ALPL: variants seen among roughly 807,000 people sequenced by gnomAD.
The protein encoded by ALPL is alkaline phosphatase, tissue-nonspecific isozyme.
Under a neutral mutation model 51.3 loss-of-function variants are expected in ALPL, and 42 were observed. The ratio of observed to expected loss-of-function variants is 0.82; its 90% CI spans 0.64 to 1.06. The LOEUF is 1.06. ALPL is among the 50% of genes least tolerant of loss of function. The pLI is 0.00. For synonymous variants in ALPL, 279 were observed against 296.4 expected (o/e 0.94, Z 0.60); for missense variants, 589 against 709.4 (o/e 0.83, Z 1.93).
chr1:21,515,843 G>T (rs12023068), intron 1 of ALPL, among the ~76,000 whole-genome samples: 6 of 130,998 alleles, frequency 4.6e-5, no homozygotes, highest in East Asian at 2.5e-4. Flanking sequence ...TTGTTTTTTT[G>T]TTTGTTTGTC....
chr1:21,510,300 A>C (rs923535122), intron 1 of ALPL, among the ~76,000 whole-genome samples: 1 of 152,186 alleles, frequency 6.6e-6, no homozygotes, highest in Non-Finnish European at 1.5e-5. Flanking sequence ...ATTGTGCCTT[A>C]TGACTCTTTT....
chr1:21,537,105 C>T (rs994880746), intron 1 of ALPL, among the ~76,000 whole-genome samples: 2 of 152,032 alleles, frequency 1.3e-5, no homozygotes, highest in Non-Finnish European at 2.9e-5. Context: ...ACTGTGTTAG[C>T]CAGGATGGTC....
At chr1:21,575,065 G>A (rs3767142) in intron 9 of ALPL, among the ~76,000 whole-genome samples, 42,960 of 152,200 alleles carry the variant, frequency 0.28, 6,305 homozygotes, top group South Asian at 0.38. Flanking sequence ...AGGCTGCGAG[G>A]GTTCAGGCTT....
intron 9 of ALPL, chr1:21,574,378 G>A (rs1359955487): frequency 5.0e-6 from 1 of 198,942 alleles, no homozygotes; most frequent in Non-Finnish European, 9.1e-6. Flanking sequence ...AGAATAAACC[G>A]TGTTTCTATT....
At chr1:21,550,923 C>T (rs972483051) in intron 1 of ALPL, among the ~76,000 whole-genome samples, 1 of 152,140 alleles carries the variant, frequency 6.6e-6, no homozygotes, top group African/African-American at 2.4e-5. Context: ...AATGTATTAT[C>T]CAGCCTGCCG....
In ALPL at chr1:21,518,638, A is replaced by C. The variant is rs543356430; in HGVS notation, c.-105+9121A>C. 5.3e-5 allele frequency among the ~76,000 whole-genome samples: 8 copies of C among 152,258 alleles called. No homozygotes were observed. In the South Asian group the frequency reaches 1.7e-3, roughly 32 times the overall value. On this transcript the variant is annotated intron_variant, in intron 1 of 11. Transcript: ENST00000374840. ...CTTTATAAACTGTTGTCAGATTACC[A>C]TTTAAACATTAATACCCAAATACAG...
At chr1:21,544,185 G>A (rs1170213939) in intron 1 of ALPL, among the ~76,000 whole-genome samples, 1 of 152,240 alleles carries the variant, frequency 6.6e-6, no homozygotes, top group African/African-American at 2.4e-5. Flanking sequence ...AGCACCTGGT[G>A]CACCGTAGTT....
chr1:21,551,762 G>A (rs1644326586), intron 1 of ALPL, among the ~76,000 whole-genome samples: 2 of 118,296 alleles, frequency 1.7e-5, no homozygotes, highest in South Asian at 3.0e-4. Flanking sequence ...GAGTCTCGCT[G>A]TCGCCCAGGC....
At chr1:21,546,820 C>A (rs1217698504) in intron 1 of ALPL, among the ~76,000 whole-genome samples, 1 of 152,250 alleles carries the variant, frequency 6.6e-6, no homozygotes, top group Non-Finnish European at 1.5e-5. Flanking sequence ...GGGCCTGGTA[C>A]ACAGTTGGTG....
intron 1 of ALPL, among the ~76,000 whole-genome samples, chr1:21,538,426 C>T (rs907414089): frequency 6.6e-6 from 1 of 152,228 alleles, no homozygotes; most frequent in African/African-American, 2.4e-5. Context: ...AGCCCAGCTG[C>T]CCTGAGCACT....
At chr1:21,561,666 C>CTTTTTTTTTTTTTTTTTTTTTTTTTT (rs11296484) in intron 4 of ALPL, among the ~76,000 whole-genome samples, 1 of 112,412 alleles carries the variant, frequency 8.9e-6, no homozygotes, top group African/African-American at 3.4e-5. Context: ...CTATATATGC[C>CTTTTTTTTTTTTTTTTTTTTTTTTTT]TTTTTTTTTT....
At chr1:21,514,816 T>A (rs1231799058) in intron 1 of ALPL, among the ~76,000 whole-genome samples, 2 of 152,156 alleles carry the variant, frequency 1.3e-5, no homozygotes, top group African/African-American at 4.8e-5. Flanking sequence ...CCAGGCACTT[T>A]CGCACATTAC....
At position 21,548,590 on chromosome 1, in the gene ALPL, C is replaced by A. The variant is rs551385664; in HGVS notation, c.-104-5388C>A. On this transcript the variant is annotated intron_variant, in intron 1 of 11. Coordinates refer to ENST00000374840, the MANE Select transcript of ALPL (RefSeq NM_000478.6). ...GAATAATCATGTGGGGCTGGATGAG[C>A]CTTTCAGTGCTCCCGGGTCACTACA... is the stretch of plus-strand genomic sequence containing the variant. Among the ~76,000 whole-genome samples, 24 of 152,302 alleles carry A rather than the reference C, an allele frequency of 1.6e-4. No homozygotes were observed. The South Asian group carries it at 2.3e-3, about 14-fold the overall frequency.
intron 10 of ALPL, 66 bp from the exon 11 acceptor site, chr1:21,576,456 T>TCTGGGGG: frequency 3.1e-6 from 5 of 1,592,308 alleles, no homozygotes; most frequent in Non-Finnish European, 4.3e-6. Context: ...AGGAGCCTAA[T>TCTGGGGG]CTGGGGGCTG....
chr1:21,510,532 G>A (rs1015028562), intron 1 of ALPL, among the ~76,000 whole-genome samples: 5 of 152,180 alleles, frequency 3.3e-5, no homozygotes, highest in African/African-American at 9.7e-5. Context: ...CCTACCGTGC[G>A]TAGAGGGACC....
rs201944897 is a variant in ALPL at position 21,563,582 on chromosome 1, G to A, written c.472+298G>A. On this transcript the variant is annotated intron_variant, in intron 5 of 11. Transcript: ENST00000374840. ...ATAGGGTTGGTGTGAGGAGGGAGAA[G>A]TCAGCCCAGGGCTAGCCTGTGGGGT... is the stretch of plus-strand genomic sequence containing the variant. 2.9e-4 allele frequency among the ~76,000 whole-genome samples: 44 copies of A among 152,304 alleles called. No homozygotes were observed. The East Asian group carries it at 7.4e-3, about 25-fold the overall frequency.
At chr1:21,557,679 C>T (rs1644430860) in intron 2 of ALPL, among the ~76,000 whole-genome samples, 1 of 152,238 alleles carries the variant, frequency 6.6e-6, no homozygotes, top group South Asian at 2.1e-4. Context: ...AAGCAGTCCT[C>T]CCACCATGGC....
chr1:21,525,509 C>T (rs2148074740), intron 1 of ALPL, among the ~76,000 whole-genome samples: 1 of 152,338 alleles, frequency 6.6e-6, no homozygotes, highest in Admixed American at 6.5e-5. Context: ...CTGGCGTGCT[C>T]ACCTGGGTGC....
chr1:21,515,801 T>C (rs762281710), intron 1 of ALPL, among the ~76,000 whole-genome samples: 1 of 152,214 alleles, frequency 6.6e-6, no homozygotes, highest in Non-Finnish European at 1.5e-5. Context: ...CTCAGGCCTC[T>C]TGCTGGCTGT....
Sources: allele counts gnomAD v4.1 joint callset (sites outside exome capture counted in the v4.1 genomes callset), GRCh38; gene constraint gnomAD v4.1.1; transcripts MANE v1.5; gene names NCBI Gene and HGNC (gene_info 2026-07-23, HGNC 2026-07-21).